EXOSC7: variants seen among roughly 807,000 people sequenced by gnomAD.
EXOSC7 encodes the protein exosome complex component RRP42.
EXOSC7 carries 25 observed loss-of-function variants against 34.3 expected under a neutral mutation model. That is an observed-to-expected ratio of 0.73 (90% CI 0.53 to 1.02). The LOEUF is 1.02. Ranked by LOEUF, EXOSC7 falls within the 50% of genes least tolerant of loss-of-function variation. The pLI, the probability that EXOSC7 is intolerant of heterozygous loss-of-function variation, is 0.00. For missense variants in EXOSC7, 370 were observed against 368.5 expected (o/e 1.00, Z -0.03); for synonymous variants, 130 against 143.0 (o/e 0.91, Z 0.65).
chr3:44,994,467 A>G (rs1377010345), intron 3 of EXOSC7, among the ~76,000 whole-genome samples: 2 of 151,876 alleles, frequency 1.3e-5, no homozygotes, highest in Non-Finnish European at 2.9e-5. Context: ...TTGTTCAGAT[A>G]CATGTAGTAA....
Position 44,989,208 on chromosome 3 carries a change from G to T in EXOSC7, c.126G>T (p.Val42=), listed in dbSNP as rs764119008. 6.2e-7 allele frequency: 1 copy of T among 1,614,124 alleles called. No individual in the cohort carries two copies. The highest frequency in any genetic ancestry group is 8.5e-7 in the Non-Finnish European group (1 of 1,179,956). Residue 42 remains valine (V), a synonymous_variant, in exon 2 of 8, where the codon GTG becomes GTT. Transcript: ENST00000265564. The part of the protein sequence containing the change: ...YRCVEVETDV[V]SNTSGSARVK... Reference sequence around the variant, plus strand: ...GTGTCGAAGTGGAAACTGATGTGGTGTCCAACACTAGTGGGTCCGCCAGGG... The same window carrying T: ...GTGTCGAAGTGGAAACTGATGTGGTTTCCAACACTAGTGGGTCCGCCAGGG...
chr3:45,001,318 G>A (rs912850131), intron 4 of EXOSC7, among the ~76,000 whole-genome samples: 1 of 151,822 alleles, frequency 6.6e-6, no homozygotes, highest in Non-Finnish European at 1.5e-5. Flanking sequence ...TGGCGCACAC[G>A]TGTAATCCCA....
At chr3:44,989,870 G>A (rs562424022) in intron 3 of EXOSC7, among the ~76,000 whole-genome samples, 1 of 152,204 alleles carries the variant, frequency 6.6e-6, no homozygotes, top group South Asian at 2.1e-4. Context: ...TGTTTTCCCT[G>A]TCCGATAAAG....
At chr3:44,993,012 T>C (rs1242363957) in intron 3 of EXOSC7, among the ~76,000 whole-genome samples, 1 of 152,202 alleles carries the variant, frequency 6.6e-6, no homozygotes, top group African/African-American at 2.4e-5. Flanking sequence ...CAAGCCTGCA[T>C]TGGTGGTTGG....
rs1264759744 is a variant in EXOSC7 at position 44,976,349 on chromosome 3, G to A, written c.57+15G>A. ...ATGGCGTCCAGGTAGCTACAGCAGC[G>A]GCGTTGGGTCGGCCGCCGGGTTCAG... On this transcript the variant is annotated intron_variant, in intron 1 of 7. Coordinates refer to ENST00000265564, the MANE Select transcript of EXOSC7 (RefSeq NM_015004.4). The A allele has an allele frequency of 1.3e-6, 2 of 1,565,700 alleles. No individual in the cohort carries two copies. The highest frequency in any genetic ancestry group is 1.7e-4 in the Middle Eastern group (1 of 5,960).
chr3:45,007,278 C>T (rs896543132), intron 6 of EXOSC7, 142 bp from the exon 7 acceptor site: 44 of 821,550 alleles, frequency 5.4e-5, no homozygotes, highest in South Asian at 9.1e-5. Flanking sequence ...CTGTTTTCCT[C>T]GTGAGCAGAA....
chr3:44,989,487 G>A (rs2125965201), intron 2 of EXOSC7, 63 bp from the exon 3 acceptor site: 1 of 1,293,042 alleles, frequency 7.7e-7, no homozygotes, highest in Non-Finnish European at 1.1e-6. Context: ...CAGAAGAGGA[G>A]GGAGGTGGTG....
intron 7 of EXOSC7, among the ~76,000 whole-genome samples, chr3:45,009,849 G>A (rs1707157742): frequency 1.3e-5 from 2 of 152,096 alleles, no homozygotes; most frequent in Non-Finnish European, 2.9e-5. Flanking sequence ...TCCAGCCCCC[G>A]AAGGCCTTTT....
rs1707007110 is a variant in EXOSC7, at chr3:45,005,406, CTG to C, written c.610_611del (p.Cys204GlnfsTer105). The C allele has an allele frequency of 6.2e-7, 1 of 1,614,002 alleles. No homozygotes were observed. Among genetic ancestry groups the C allele is most frequent in the Non-Finnish European group, 8.5e-7 (1 of 1,180,010 alleles). ...GGAGAATGTCCCCTGCATTGTCACT[CTG>C]TGCAAGGTATAACTTGTATTTTATG... The part of the protein sequence containing the change: ...SVENVPCIVT[L>X]CKIGYRHVVD... On this transcript the variant is annotated frameshift_variant, in exon 6 of 8. Coordinates refer to ENST00000265564, the MANE Select transcript of EXOSC7 (RefSeq NM_015004.4). LOFTEE classifies it high-confidence loss of function.
chr3:45,001,631 C>G (rs747910891), intron 5 of EXOSC7, 23 bp downstream of exon 5: 1 of 1,557,780 alleles, frequency 6.4e-7, no homozygotes, highest in Admixed American at 1.7e-5. Context: ...AGAAACAGCT[C>G]TGCGAACCTG....
intron 5 of EXOSC7, among the ~76,000 whole-genome samples, chr3:45,003,359 GTGTA>G (rs35810778): frequency 0.013 from 1,852 of 145,240 alleles, 13 homozygotes; most frequent in African/African-American, 0.033. Context: ...GCGTGTGTGT[GTGTA>G]TGTGTGTGTG....
At chr3:44,996,605 A>G (rs750947307) in intron 3 of EXOSC7, among the ~76,000 whole-genome samples, 5 of 152,148 alleles carry the variant, frequency 3.3e-5, no homozygotes, top group Non-Finnish European at 7.4e-5. Context: ...TTGTACTTAC[A>G]TTGTGGTTTT....
intron 3 of EXOSC7, among the ~76,000 whole-genome samples, chr3:44,993,920 C>T (rs532971355): frequency 5.9e-5 from 9 of 152,122 alleles, no homozygotes; most frequent in African/African-American, 2.2e-4. Context: ...GTTCCAAGAC[C>T]AAAGCATACA....
chr3:44,994,182 T>A (rs2125967079), intron 3 of EXOSC7, among the ~76,000 whole-genome samples: 1 of 151,614 alleles, frequency 6.6e-6, no homozygotes, highest in East Asian at 1.9e-4. Context: ...AGGGTTGTTG[T>A]GAACATTAAA....
intron 5 of EXOSC7, chr3:45,004,684 A>G (rs1044421175): frequency 2.4e-4 from 34 of 144,500 alleles, no homozygotes; most frequent in African/African-American, 9.2e-4. Flanking sequence ...GGCTACTCAG[A>G]CAGCCTCTTT....
At chr3:44,976,821 C>T (rs1706056362) in intron 1 of EXOSC7, among the ~76,000 whole-genome samples, 1 of 152,150 alleles carries the variant, frequency 6.6e-6, no homozygotes, top group African/African-American at 2.4e-5. Context: ...GCGGCTAGGA[C>T]GCCTGTAATC....
chr3:45,007,257 C>G (rs529956923), intron 6 of EXOSC7, among the ~76,000 whole-genome samples, 163 bp from the exon 7 acceptor site: 62 of 152,176 alleles, frequency 4.1e-4, no homozygotes, highest in Non-Finnish European at 7.2e-4. Flanking sequence ...AATTGTTGAA[C>G]AATCCCTCAG....
chr3:45,006,960 A>C lies in EXOSC7; in HGVS notation c.616-460A>C, dbSNP rs79827246. On this transcript the variant is annotated intron_variant, in intron 6 of 7. Transcript: ENST00000265564. ...GGCTGGTCTCAAACTCCTGAGCTCA[A>C]GCATTCCATTTTCCTCAGCTTCCCA... Among the ~76,000 whole-genome samples the C allele has an allele frequency of 1.4e-3, 219 of 152,090 alleles. 2 individuals are homozygous for C. In the East Asian group the frequency reaches 0.037, roughly 26 times the overall value.
intron 1 of EXOSC7, 78 bp from the exon 2 acceptor site, chr3:44,989,062 A>C: frequency 2.1e-6 from 2 of 932,800 alleles, no homozygotes; most frequent in South Asian, 2.8e-5. Context: ...TATCTTCTCT[A>C]GGGGGAAAAT....
Sources: gnomAD v4.1 joint callset for allele counts (sites outside exome capture counted in the v4.1 genomes callset) on GRCh38, gnomAD v4.1.1 for gene constraint, MANE v1.5 for transcripts, NCBI Gene and HGNC (gene_info 2026-07-23, HGNC 2026-07-21) for gene names.